The following TIMMDC1 variants were observed in gnomAD, a reference collection of about 807,000 sequenced individuals.
TIMMDC1 encodes complex I assembly factor TIMMDC1, mitochondrial.
TIMMDC1 carries 25 observed loss-of-function variants against 32.6 expected under a neutral mutation model. That is an observed-to-expected ratio of 0.77 (90% CI 0.56 to 1.07). The LOEUF (loss-of-function observed/expected upper bound fraction) is 1.07, where lower values mean the gene tolerates loss of function less well. TIMMDC1 is among the 50% of genes least tolerant of loss of function. The pLI is 0.00. For synonymous variants in TIMMDC1, 130 were observed against 127.6 expected (o/e 1.02, Z -0.13); for missense variants, 329 against 349.2 (o/e 0.94, Z 0.46).
chr3:119,503,239 C>CAT (rs1474961253), intron 2 of TIMMDC1, among the ~76,000 whole-genome samples: 5 of 152,200 alleles, frequency 3.3e-5, no homozygotes, highest in Admixed American at 3.3e-4. Context: ...GTTAAAAGCG[C>CAT]ATATTCCCAA....
At chr3:119,513,574 G>T in intron 4 of TIMMDC1, 67 bp from the exon 5 acceptor site, 1 of 1,244,518 alleles carries the variant, frequency 8.0e-7, no homozygotes, top group East Asian at 2.4e-5. Flanking sequence ...TTTTGTAGAA[G>T]GAAAGTTTTA....
At chr3:119,512,039 T>C (rs1224111464) in intron 4 of TIMMDC1, among the ~76,000 whole-genome samples, 1 of 152,228 alleles carries the variant, frequency 6.6e-6, no homozygotes, top group East Asian at 1.9e-4. Flanking sequence ...AAATTTCATT[T>C]CTGTGAGTTT....
chr3:119,519,773 C>T (rs1386085076), intron 6 of TIMMDC1, among the ~76,000 whole-genome samples: 1 of 152,120 alleles, frequency 6.6e-6, no homozygotes, highest in Admixed American at 6.6e-5. Context: ...ATCTAGCAGA[C>T]ATTTACAGAA....
intron 6 of TIMMDC1, among the ~76,000 whole-genome samples, chr3:119,521,944 CAT>C (rs935242414): frequency 2.6e-5 from 4 of 152,044 alleles, no homozygotes; most frequent in Admixed American, 6.5e-5. Context: ...AAAGGGAACT[CAT>C]ATACTTTTGG....
At chr3:119,520,946 A>C (rs900835258) in intron 6 of TIMMDC1, among the ~76,000 whole-genome samples, 1 of 152,182 alleles carries the variant, frequency 6.6e-6, no homozygotes, top group Non-Finnish European at 1.5e-5. Flanking sequence ...CAAATCAATA[A>C]ATGTGTTACA....
chr3:119,506,745 A>G (rs996474283), intron 4 of TIMMDC1, among the ~76,000 whole-genome samples: 4 of 151,880 alleles, frequency 2.6e-5, no homozygotes, highest in African/African-American at 7.3e-5. Flanking sequence ...TTTCTGTTTG[A>G]AATTCTTCTA....
chr3:119,517,428 T>G (rs2081993278), intron 6 of TIMMDC1, 113 bp downstream of exon 6: 1 of 666,932 alleles, frequency 1.5e-6, no homozygotes, highest in African/African-American at 1.8e-5. Flanking sequence ...AAGAAGAGTT[T>G]ATTTTTACCA....
Position 119,523,847 on chromosome 3 carries a change from G to A in TIMMDC1, c.*91G>A. On this transcript the variant is annotated 3_prime_UTR_variant, in exon 7 of 7. Coordinates refer to ENST00000494664, the MANE Select transcript of TIMMDC1 (RefSeq NM_016589.4). ...AGACAGGCCACTCTTTGGTCAGCCT[G>A]CTGACAAATTTAAGTGCTGGTACCT... 1.5e-6 allele frequency: 2 copies of A among 1,339,016 alleles called. No homozygotes were observed. Among genetic ancestry groups the A allele is most frequent in the Admixed American group, 2.7e-5 (1 of 37,606 alleles). 82.9% of individuals were successfully genotyped at this position (1,339,016 alleles called of 1,614,324 possible). A position where few individuals can be genotyped will look rare whatever the true frequency, so the allele number is the denominator to read the frequency against.
At position 119,506,530 on chromosome 3, in the gene TIMMDC1, A is replaced by C. The variant is rs190661386; in HGVS notation, c.517+2509A>C. Reference sequence around the variant, plus strand: ...CGAGACCCTGTCTCAAAAAAAAAAAAAAAACTAGAAACCAAGGAATGATAT... The same window carrying C: ...CGAGACCCTGTCTCAAAAAAAAAAACAAAACTAGAAACCAAGGAATGATAT... On this transcript the variant is annotated intron_variant, in intron 4 of 6. Coordinates refer to ENST00000494664, the MANE Select transcript of TIMMDC1 (RefSeq NM_016589.4). Among the ~76,000 whole-genome samples the C allele has an allele frequency of 1.3e-3, 197 of 152,100 alleles. 3 individuals are homozygous for C. In the East Asian group the frequency reaches 0.027, roughly 21 times the overall value.
chr3:119,499,189 A>G (rs1577093941), intron 1 of TIMMDC1, among the ~76,000 whole-genome samples: 1 of 128,766 alleles, frequency 7.8e-6, no homozygotes, highest in Admixed American at 8.6e-5. Context: ...TGCCTCTGGG[A>G]CTCAAGTGAT....
chr3:119,502,202 A>T (rs1560045124), intron 2 of TIMMDC1, among the ~76,000 whole-genome samples: 1 of 151,900 alleles, frequency 6.6e-6, no homozygotes, highest in Non-Finnish European at 1.5e-5. Context: ...AGCATTTATA[A>T]TTTTTTTATT....
chr3:119,507,108 G>A (rs1033848477), intron 4 of TIMMDC1, among the ~76,000 whole-genome samples: 3 of 152,228 alleles, frequency 2.0e-5, no homozygotes, highest in African/African-American at 7.2e-5. Flanking sequence ...ATATGCCCAG[G>A]TGTAATTTTG....
chr3:119,514,321 T>G (rs368785486), intron 5 of TIMMDC1, among the ~76,000 whole-genome samples: 14 of 152,144 alleles, frequency 9.2e-5, no homozygotes, highest in African/African-American at 2.2e-4. Context: ...GGGATGTGAA[T>G]ATATTTCTTT....
At chr3:119,516,024 G>A (rs933146002) in intron 5 of TIMMDC1, among the ~76,000 whole-genome samples, 2 of 152,162 alleles carry the variant, frequency 1.3e-5, no homozygotes, top group Non-Finnish European at 2.9e-5. Context: ...CATTGCTTTT[G>A]TTGTAGTGTT....
chr3:119,520,069 A>C (rs1440728235), intron 6 of TIMMDC1, among the ~76,000 whole-genome samples: 1 of 152,216 alleles, frequency 6.6e-6, no homozygotes, highest in African/African-American at 2.4e-5. Context: ...AAATGAAAAC[A>C]GAAACACAAC....
At chr3:119,500,364 TGATG>T (rs2107725833) in intron 1 of TIMMDC1, 1 of 193,772 alleles carries the variant, frequency 5.2e-6, no homozygotes, top group Admixed American at 5.9e-5. Context: ...CTAAGTATAC[TGATG>T]GATGAATTTT....
Position 119,500,690 on chromosome 3 carries a change from T to C in TIMMDC1, c.195-5T>C. The C allele has an allele frequency of 6.2e-7, 1 of 1,610,218 alleles. No individual in the cohort carries two copies. The highest frequency in any genetic ancestry group is 8.5e-7 in the Non-Finnish European group (1 of 1,178,526). On this transcript the variant is annotated splice_polypyrimidine_tract_variant and splice_region_variant and intron_variant, in intron 1 of 6. Coordinates refer to ENST00000494664, the MANE Select transcript of TIMMDC1 (RefSeq NM_016589.4). ...CCAAACAACATTGTCTTTTTGATGTTGTAGTGAACAGCAGAGAATTTCAAA... is the reference window on the plus strand; with the variant it reads ...CCAAACAACATTGTCTTTTTGATGTCGTAGTGAACAGCAGAGAATTTCAAA...
Position 119,517,265 on chromosome 3 carries a change from A to G in TIMMDC1, c.657A>G (p.Glu219=). 1 of 1,613,896 alleles carries G rather than the reference A, an allele frequency of 6.2e-7. No homozygotes were observed. Among genetic ancestry groups the G allele is most frequent in the Non-Finnish European group, 8.5e-7 (1 of 1,179,826 alleles). The change falls in exon 6 of 7, where the codon GAA becomes GAG. Residue 219 remains glutamate (E), a synonymous_variant. Coordinates refer to ENST00000494664, the MANE Select transcript of TIMMDC1 (RefSeq NM_016589.4). ...FQKYSGETVQ[E]RKQKDRKALH... is the part of the protein sequence containing the mutation. ...AGTACTCTGGTGAGACTGTTCAGGA[A>G]AGAAAACAGAAGGATCGAAAGGCAC...
chr3:119,503,718 A>G (rs565998181), intron 3 of TIMMDC1, 98 bp downstream of exon 3: 4 of 954,280 alleles, frequency 4.2e-6, no homozygotes, highest in African/African-American at 1.7e-5. Flanking sequence ...GAATACCCAC[A>G]TGAAAGTGAT....
Sources: gnomAD v4.1 joint callset for allele counts (sites outside exome capture counted in the v4.1 genomes callset) on GRCh38, gnomAD v4.1.1 for gene constraint, MANE v1.5 for transcripts, NCBI Gene and HGNC (gene_info 2026-07-23, HGNC 2026-07-21) for gene names.